Variants in MCTP1 observed in about 807,000 individuals in gnomAD.
The protein encoded by MCTP1 is multiple C2 and transmembrane domain containing 1, also known as multiple C2 and transmembrane domain-containing protein 1.
MCTP1 carries 69 observed loss-of-function variants against 120.6 expected under a neutral mutation model. The observed-to-expected ratio is 0.57, with a 90% CI of 0.47 to 0.70. The LOEUF is 0.70. Ranked by LOEUF, MCTP1 falls within the 30% of genes least tolerant of loss-of-function variation. The pLI is 0.00. For missense variants in MCTP1, 1,203 were observed against 1,248.8 expected (o/e 0.96, Z 0.55); for synonymous variants, 529 against 493.1 (o/e 1.07, Z -0.96).
In MCTP1 at chr5:95,284,932, C is replaced by A. The variant is rs918696125; in HGVS notation, c.-357G>T. Among the ~76,000 whole-genome samples the A allele has an allele frequency of 2.6e-5, 4 of 152,170 alleles. No homozygotes were observed. Among genetic ancestry groups the A allele is most frequent in the Non-Finnish European group, 5.9e-5 (4 of 68,020 alleles). The stretch of plus-strand genomic sequence containing the variant: ...GCGTCCCCCAGGCCGCGCCCTGGCT[C>A]CCTCTTCTCTCTGACCGAGCTCGGG... On this transcript the variant is annotated 5_prime_UTR_variant, in exon 1 of 23. Transcript: ENST00000515393. The surrounding 1 kb of genome is among the most constrained non-coding windows in gnomAD (Gnocchi z 5.2).
chr5:95,024,268 T>C (rs1196767166), intron 1 of MCTP1, among the ~76,000 whole-genome samples: 2 of 152,134 alleles, frequency 1.3e-5, no homozygotes, highest in African/African-American at 4.8e-5. Flanking sequence ...TTTGAGTTGA[T>C]TTTTGTATAA....
At chr5:94,929,998 A>C (rs1189160547) in intron 6 of MCTP1, among the ~76,000 whole-genome samples, 1 of 152,140 alleles carries the variant, frequency 6.6e-6, no homozygotes, top group Non-Finnish European at 1.5e-5. Context: ...ATAATCTGCC[A>C]AGTACTCAAA....
chr5:95,009,373 G>T (rs1481709429), intron 2 of MCTP1, among the ~76,000 whole-genome samples: 1 of 151,954 alleles, frequency 6.6e-6, no homozygotes, highest in Non-Finnish European at 1.5e-5. Flanking sequence ...AAATCTGATA[G>T]ATTATAATAT....
intron 18 of MCTP1, among the ~76,000 whole-genome samples, chr5:94,780,140 CTT>C (rs891691598): frequency 6.8e-6 from 1 of 146,382 alleles, no homozygotes; most frequent in Non-Finnish European, 1.5e-5. Context: ...ATTCCTGTGT[CTT>C]TTTTTTTTTC....
intron 1 of MCTP1, among the ~76,000 whole-genome samples, chr5:95,031,792 A>G (rs1159509358): frequency 6.6e-6 from 1 of 152,184 alleles, no homozygotes; most frequent in East Asian, 1.9e-4. Flanking sequence ...AAAGACATAG[A>G]GTGGCAAACG....
chr5:95,204,199 C>T (rs1751376244), intron 1 of MCTP1, among the ~76,000 whole-genome samples: 1 of 152,058 alleles, frequency 6.6e-6, no homozygotes, highest in Non-Finnish European at 1.5e-5. Context: ...ACTTATAACC[C>T]TACAAGTCAG....
At chr5:95,167,023 C>T (rs1016880537) in intron 1 of MCTP1, among the ~76,000 whole-genome samples, 9 of 150,670 alleles carry the variant, frequency 6.0e-5, no homozygotes, top group East Asian at 3.9e-4. Context: ...CCCATTAACT[C>T]GTCATTTACA....
chr5:95,178,399 G>C (rs1383494468), intron 1 of MCTP1, among the ~76,000 whole-genome samples: 1 of 152,226 alleles, frequency 6.6e-6, no homozygotes, highest in Non-Finnish European at 1.5e-5. Flanking sequence ...GCCCAGGCTA[G>C]AGTGCAGTGG....
chr5:95,201,046 C>G (rs1750951344), intron 1 of MCTP1, among the ~76,000 whole-genome samples: 1 of 152,188 alleles, frequency 6.6e-6, no homozygotes, highest in African/African-American at 2.4e-5. Flanking sequence ...AATGTGGATG[C>G]TATAACTTTA....
At chr5:94,744,754 G>A (rs989796679) in intron 19 of MCTP1, among the ~76,000 whole-genome samples, 19 of 151,956 alleles carry the variant, frequency 1.3e-4, no homozygotes, top group Admixed American at 7.9e-4. Flanking sequence ...CAGGTGATCC[G>A]CCCGTCTCGG....
At chr5:95,122,752 G>A (rs1386881050) in intron 1 of MCTP1, among the ~76,000 whole-genome samples, 1 of 152,122 alleles carries the variant, frequency 6.6e-6, no homozygotes, top group Non-Finnish European at 1.5e-5. Context: ...AATCTAAGTG[G>A]CCATCACCAG....
chr5:95,073,304 T>C (rs1347790679), intron 1 of MCTP1, among the ~76,000 whole-genome samples: 2 of 152,156 alleles, frequency 1.3e-5, no homozygotes, highest in African/African-American at 4.8e-5. Flanking sequence ...CCTCATTAGA[T>C]TTCTCTCATC....
intron 6 of MCTP1, chr5:94,930,736 C>A (rs1158100760): frequency 2.0e-5 from 3 of 151,750 alleles, no homozygotes; most frequent in Non-Finnish European, 4.4e-5. Context: ...ACAAATATAT[C>A]CAATTATATG....
chr5:95,122,143 A>C (rs1182890842), intron 1 of MCTP1, among the ~76,000 whole-genome samples: 1 of 152,218 alleles, frequency 6.6e-6, no homozygotes, highest in African/African-American at 2.4e-5. Context: ...AAAAATGGAC[A>C]AATTGGATTA....
intron 8 of MCTP1, among the ~76,000 whole-genome samples, chr5:94,915,981 T>A (rs1809954924): frequency 6.6e-6 from 1 of 152,124 alleles, no homozygotes. Flanking sequence ...ATGGGTGTGG[T>A]AATTATGGGG....
At chr5:94,737,624 C>G (rs1200393902) in intron 19 of MCTP1, among the ~76,000 whole-genome samples, 1 of 152,066 alleles carries the variant, frequency 6.6e-6, no homozygotes, top group Non-Finnish European at 1.5e-5. Flanking sequence ...TATCAATAAC[C>G]AGTTACATAA....
chr5:95,003,843 C>A, intron 2 of MCTP1, among the ~76,000 whole-genome samples: 1 of 152,066 alleles, frequency 6.6e-6, no homozygotes, highest in Non-Finnish European at 1.5e-5. Context: ...AAAATTGGTA[C>A]CAGAGAAGTG....
In MCTP1 at chr5:94,711,170, A is replaced by G. The variant is rs566677068; in HGVS notation, c.2721-243T>C. On this transcript the variant is annotated intron_variant, in intron 20 of 22. Transcript: ENST00000515393. ...ATTGTTCCAGGTGACTTCAGAGTCT[A>G]AAGCCATTGTGCTACTTGGGTGACT... is the stretch of plus-strand genomic sequence containing the variant. Among the ~76,000 whole-genome samples the G allele has an allele frequency of 4.6e-5, 7 of 152,240 alleles. No individual in the cohort carries two copies. The East Asian group carries it at 1.2e-3, about 25-fold the overall frequency.
At chr5:95,040,760 T>C (rs77363971) in intron 1 of MCTP1, among the ~76,000 whole-genome samples, 14,316 of 152,158 alleles carry the variant, frequency 0.094, 1,020 homozygotes, top group East Asian at 0.37. Flanking sequence ...AGTGACTGAT[T>C]CAGGGTTGGG....
Sources: allele counts gnomAD v4.1 joint callset (sites outside exome capture counted in the v4.1 genomes callset), GRCh38; gene constraint gnomAD v4.1.1; non-coding constraint Gnocchi (gnomAD v3.1); transcripts MANE v1.5; gene names NCBI Gene and HGNC (gene_info 2026-07-23, HGNC 2026-07-21).